OTUD7A: variants seen among roughly 807,000 people sequenced by gnomAD.
OTUD7A encodes OTU domain-containing protein 7A.
A neutral mutation model predicts 65.7 loss-of-function variants in OTUD7A; 12 were observed. The observed-to-expected ratio is 0.18, with a 90% CI of 0.12 to 0.30. The LOEUF (loss-of-function observed/expected upper bound fraction) is 0.30, where lower values mean the gene tolerates loss of function less well. Ranked by LOEUF, OTUD7A falls within the 10% of genes least tolerant of loss-of-function variation. The pLI is 1.00. For missense variants in OTUD7A, 1,148 were observed against 1,304.8 expected (o/e 0.88, Z 1.85); for synonymous variants, 641 against 586.3 (o/e 1.09, Z -1.35).
At chr15:31,496,507 C>A (rs2141075396) in intron 10 of OTUD7A, among the ~76,000 whole-genome samples, 1 of 152,296 alleles carries the variant, frequency 6.6e-6, no homozygotes, top group South Asian at 2.1e-4. Context: ...CAGGCATGAG[C>A]CACCGCGCCC....
At chr15:31,600,639 T>C (rs1281701666) in intron 3 of OTUD7A, among the ~76,000 whole-genome samples, 2 of 152,222 alleles carry the variant, frequency 1.3e-5, no homozygotes, top group African/African-American at 4.8e-5. Context: ...ATGGGCTAAA[T>C]GCCCTAATTA....
At chr15:31,559,429 GCA>G (rs955088204) in intron 4 of OTUD7A, among the ~76,000 whole-genome samples, 2 of 151,952 alleles carry the variant, frequency 1.3e-5, no homozygotes, top group Admixed American at 6.6e-5. Context: ...ATATACATGT[GCA>G]CACACACTTA....
chr15:31,672,583 A>G (rs1233050143), intron 1 of OTUD7A, among the ~76,000 whole-genome samples: 1 of 152,204 alleles, frequency 6.6e-6, no homozygotes, highest in Non-Finnish European at 1.5e-5. Context: ...ACTAAAGCCC[A>G]GAGTGCCCAG....
chr15:31,688,194 G>A (rs1381470309), intron 1 of OTUD7A, among the ~76,000 whole-genome samples: 8 of 141,804 alleles, frequency 5.6e-5, no homozygotes, highest in Non-Finnish European at 1.2e-4. Context: ...CCAGCCTGGC[G>A]ACAGAGCGAG....
At chr15:31,767,790 G>A (rs1895128490) in intron 1 of OTUD7A, 2 of 738,910 alleles carry the variant, frequency 2.7e-6, no homozygotes, top group South Asian at 3.1e-5. Flanking sequence ...GATAAGTTTT[G>A]TAATTTAAAA....
chr15:31,630,371 G>A (rs1891104020), intron 3 of OTUD7A, among the ~76,000 whole-genome samples: 1 of 152,016 alleles, frequency 6.6e-6, no homozygotes, highest in Non-Finnish European at 1.5e-5. Context: ...TTCAGGAGCA[G>A]GTTGTTCAGT....
intron 3 of OTUD7A, among the ~76,000 whole-genome samples, chr15:31,608,444 A>G (rs564036369): frequency 6.6e-6 from 1 of 152,346 alleles, no homozygotes; most frequent in South Asian, 2.1e-4. Flanking sequence ...ACTTACAGAC[A>G]TGCAGACACA....
chr15:31,636,853 C>G (rs745619941), intron 3 of OTUD7A, among the ~76,000 whole-genome samples: 1 of 152,138 alleles, frequency 6.6e-6, no homozygotes, highest in Admixed American at 6.5e-5. Flanking sequence ...TAATCCAGAG[C>G]AAGACCCTAA....
chr15:31,525,334 A>G (rs986928738), intron 8 of OTUD7A, among the ~76,000 whole-genome samples: 1 of 152,252 alleles, frequency 6.6e-6, no homozygotes, highest in East Asian at 1.9e-4. Context: ...ACATAGCCTT[A>G]AAACACAGTG....
intron 1 of OTUD7A, among the ~76,000 whole-genome samples, chr15:31,796,090 G>A (rs889940395): frequency 2.0e-5 from 3 of 151,816 alleles, no homozygotes; most frequent in Non-Finnish European, 4.4e-5. Context: ...CAGTGAACTT[G>A]AGTCTCTGTA....
At chr15:31,866,211 T>A (rs1897871518) in intron 1 of OTUD7A, among the ~76,000 whole-genome samples, 1 of 152,192 alleles carries the variant, frequency 6.6e-6, no homozygotes, top group Non-Finnish European at 1.5e-5. Context: ...AAACAAGGCT[T>A]TAGATGCATG....
At chr15:31,867,848 G>A (rs1463187762) in intron 1 of OTUD7A, among the ~76,000 whole-genome samples, 1 of 151,168 alleles carries the variant, frequency 6.6e-6, no homozygotes, top group Non-Finnish European at 1.5e-5. Context: ...ATTCAAGTAT[G>A]TGCCCCCAAC....
At chr15:31,767,561 A>C in intron 1 of OTUD7A, 2 of 804,812 alleles carry the variant, frequency 2.5e-6, no homozygotes, top group Non-Finnish European at 4.5e-6. Flanking sequence ...ATATTGGGGA[A>C]TTACTTGTTT....
At chr15:31,613,716 A>G (rs1890498745) in intron 3 of OTUD7A, among the ~76,000 whole-genome samples, 1 of 151,216 alleles carries the variant, frequency 6.6e-6, no homozygotes, top group African/African-American at 2.4e-5. Flanking sequence ...AACTAGTACA[A>G]CCACTATGGA....
At chr15:31,676,210 G>C (rs1345796234) in intron 1 of OTUD7A, among the ~76,000 whole-genome samples, 12 of 152,222 alleles carry the variant, frequency 7.9e-5, no homozygotes, top group Non-Finnish European at 1.6e-4. Flanking sequence ...AGAAGAGAGA[G>C]AGAATTTGGT....
chr15:31,739,668 C>A (rs1336772940), intron 1 of OTUD7A, among the ~76,000 whole-genome samples: 7 of 152,178 alleles, frequency 4.6e-5, no homozygotes, highest in Admixed American at 1.3e-4. Flanking sequence ...TCTCAGCTTA[C>A]TGCAACCTCC....
At chr15:31,545,235 T>C (rs1205478300) in intron 5 of OTUD7A, among the ~76,000 whole-genome samples, 1 of 152,002 alleles carries the variant, frequency 6.6e-6, no homozygotes, top group Admixed American at 6.6e-5. Flanking sequence ...CCATGTCAGG[T>C]TGATGAATAT....
chr15:31,616,332 G>A (rs760672550), intron 3 of OTUD7A, among the ~76,000 whole-genome samples: 4 of 152,166 alleles, frequency 2.6e-5, no homozygotes, highest in Middle Eastern at 3.2e-3. Flanking sequence ...TGGTGTGTGC[G>A]CTTGACAGAA....
intron 1 of OTUD7A, among the ~76,000 whole-genome samples, chr15:31,858,428 G>C (rs1409748679): frequency 6.6e-6 from 1 of 152,188 alleles, no homozygotes; most frequent in African/African-American, 2.4e-5. Flanking sequence ...GGGGCCAGAG[G>C]AAGAGGCAGC....
Sources: gnomAD v4.1 joint callset for allele counts (sites outside exome capture counted in the v4.1 genomes callset) on GRCh38, gnomAD v4.1.1 for gene constraint, MANE v1.5 for transcripts, NCBI Gene and HGNC (gene_info 2026-07-23, HGNC 2026-07-21) for gene names.